Variants in PCCA observed in about 807,000 individuals in gnomAD.
PCCA encodes the protein propionyl-CoA carboxylase alpha chain, mitochondrial.
A neutral mutation model predicts 101.3 loss-of-function variants in PCCA; 74 were observed. The observed-to-expected ratio is 0.73, with a 90% CI of 0.61 to 0.89. The LOEUF (loss-of-function observed/expected upper bound fraction) is 0.89, where lower values mean the gene tolerates loss of function less well. Ranked by LOEUF, PCCA falls within the 40% of genes least tolerant of loss-of-function variation. The pLI is 0.00. For missense variants in PCCA, 891 were observed against 907.0 expected (o/e 0.98, Z 0.23); for synonymous variants, 294 against 313.6 (o/e 0.94, Z 0.66).
Position 100,499,061 on chromosome 13 carries a change from C to T in PCCA, c.1900-16366C>T, listed in dbSNP as rs576355925. ...GTCAATTCACGTTATTGTGGAAAAC[C>T]GTGAGTTGTGACAAGTGAAAGCTTT... On this transcript the variant is annotated intron_variant, in intron 21 of 23. Transcript: ENST00000376285. 5.3e-5 allele frequency among the ~76,000 whole-genome samples: 8 copies of T among 152,272 alleles called. No individual in the cohort carries two copies. In the East Asian group the frequency reaches 9.7e-4, roughly 18 times the overall value.
chr13:100,381,304 G>T (rs1025103625), intron 19 of PCCA, among the ~76,000 whole-genome samples: 1 of 151,832 alleles, frequency 6.6e-6, no homozygotes, highest in African/African-American at 2.4e-5. Context: ...CAGGAGAATG[G>T]CATGAACCCG....
At chr13:100,462,424 C>T (rs932964037) in intron 21 of PCCA, among the ~76,000 whole-genome samples, 5 of 152,146 alleles carry the variant, frequency 3.3e-5, no homozygotes, top group African/African-American at 1.2e-4. Context: ...TTGGTCCCTA[C>T]CCTTAAGTAG....
At chr13:100,470,158 C>T (rs1278290538) in intron 21 of PCCA, among the ~76,000 whole-genome samples, 4 of 152,162 alleles carry the variant, frequency 2.6e-5, no homozygotes, top group African/African-American at 7.2e-5. Flanking sequence ...ACCTGGCTAT[C>T]GGGGTGAACA....
At chr13:100,517,046 C>CGTGT (rs3840814) in intron 22 of PCCA, among the ~76,000 whole-genome samples, 21,225 of 132,434 alleles carry the variant, frequency 0.16, 1,870 homozygotes, top group Middle Eastern at 0.19. Flanking sequence ...ATTATAAAAT[C>CGTGT]GTGTGTGTGT....
chr13:100,164,215 G>T (rs1406463984), intron 6 of PCCA, among the ~76,000 whole-genome samples: 1 of 152,194 alleles, frequency 6.6e-6, no homozygotes, highest in Non-Finnish European at 1.5e-5. Flanking sequence ...ATTGGAATTT[G>T]AGACATACAC....
chr13:100,141,702 C>T (rs7989113), intron 4 of PCCA, among the ~76,000 whole-genome samples: 3,595 of 152,270 alleles, frequency 0.024, 146 homozygotes, highest in African/African-American at 0.082. Context: ...CGTGAACCAC[C>T]ACACCCAGCC....
At chr13:100,170,927 A>G (rs2055575463) in intron 6 of PCCA, among the ~76,000 whole-genome samples, 1 of 152,222 alleles carries the variant, frequency 6.6e-6, no homozygotes, top group Non-Finnish European at 1.5e-5. Context: ...ATTGGTTCCC[A>G]GTATGTTCTG....
In PCCA at chr13:100,404,809, ATG is replaced by A. The variant is rs2077576647; in HGVS notation, c.1747-20823_1747-20822del. Among the ~76,000 whole-genome samples, 4 of 152,278 alleles carry A rather than the reference ATG, an allele frequency of 2.6e-5. No individual in the cohort carries two copies. In the South Asian group the frequency reaches 8.3e-4, roughly 32 times the overall value. On this transcript the variant is annotated intron_variant, in intron 19 of 23. Transcript: ENST00000376285. Reference sequence around the variant, plus strand: ...TGCTGTCAGTAGCTTTGAATTCTGTATGCCATGGATACTAATGTGGCCTTTAT... The same window carrying A: ...TGCTGTCAGTAGCTTTGAATTCTGTACCATGGATACTAATGTGGCCTTTAT...
At chr13:100,289,318 G>A (rs1022761133) in intron 12 of PCCA, among the ~76,000 whole-genome samples, 5 of 152,014 alleles carry the variant, frequency 3.3e-5, no homozygotes, top group African/African-American at 1.2e-4. Flanking sequence ...AATTATGTGT[G>A]TATGTGTATT....
intron 19 of PCCA, among the ~76,000 whole-genome samples, chr13:100,423,057 C>T: frequency 6.9e-6 from 1 of 145,476 alleles, no homozygotes; most frequent in African/African-American, 2.6e-5. Flanking sequence ...TGGTTGTTTT[C>T]TGAGTGTTGT....
At chr13:100,448,215 A>G (rs537120445) in intron 20 of PCCA, among the ~76,000 whole-genome samples, 56 of 152,230 alleles carry the variant, frequency 3.7e-4, no homozygotes, top group Non-Finnish European at 5.7e-4. Flanking sequence ...TTTGAGACGG[A>G]GTCTCACTGT....
At chr13:100,197,871 C>T (rs767379816) in intron 6 of PCCA, among the ~76,000 whole-genome samples, 12 of 152,062 alleles carry the variant, frequency 7.9e-5, no homozygotes, top group Non-Finnish European at 1.6e-4. Flanking sequence ...CTAACATGCC[C>T]CAGATTTCAT....
intron 21 of PCCA, among the ~76,000 whole-genome samples, chr13:100,470,742 C>T (rs540240181): frequency 6.6e-6 from 1 of 152,200 alleles, no homozygotes; most frequent in East Asian, 1.9e-4. Context: ...TAGTCCCAGC[C>T]ACTCTACTCG....
At chr13:100,513,306 G>A (rs575906466) in intron 21 of PCCA, among the ~76,000 whole-genome samples, 156 of 152,290 alleles carry the variant, frequency 1.0e-3, no homozygotes, top group African/African-American at 2.0e-3. Flanking sequence ...AGTTTACCCC[G>A]TTGTTATTTT....
intron 18 of PCCA, 94 bp downstream of exon 18, chr13:100,340,353 C>A: frequency 1.3e-6 from 1 of 756,992 alleles, no homozygotes; most frequent in South Asian, 1.4e-5. Context: ...TGGCTGATCT[C>A]AGTTCTAGAG....
At chr13:100,446,883 G>C (rs1179946110) in intron 20 of PCCA, among the ~76,000 whole-genome samples, 1 of 152,004 alleles carries the variant, frequency 6.6e-6, no homozygotes, top group Non-Finnish European at 1.5e-5. Context: ...TGTTCTTCTT[G>C]CCCTTAGAAA....
chr13:100,520,603 C>A (rs1317167131), intron 22 of PCCA, among the ~76,000 whole-genome samples: 1 of 139,544 alleles, frequency 7.2e-6, no homozygotes, highest in Non-Finnish European at 1.5e-5. Context: ...CCACAGCACT[C>A]CAGCCTGGGC....
chr13:100,209,557 T>G lies in PCCA; in HGVS notation c.600+94T>G, dbSNP rs998668949. On this transcript the variant is annotated intron_variant, in intron 7 of 23. Coordinates refer to ENST00000376285, the MANE Select transcript of PCCA (RefSeq NM_000282.4). ...AAATGTAACTATTGCTTTTTTGGGA[T>G]ATACACACACACACACACATATGCA... is the stretch of plus-strand genomic sequence containing the variant. 21 of 916,270 alleles carry G rather than the reference T, an allele frequency of 2.3e-5. No homozygotes were observed. The African/African-American group carries it at 3.5e-4, about 15-fold the overall frequency. 56.8% of individuals were successfully genotyped at this position (916,270 alleles called of 1,614,324 possible).
At chr13:100,264,014 CGGT>C (rs2062733637) in intron 10 of PCCA, among the ~76,000 whole-genome samples, 2 of 141,408 alleles carry the variant, frequency 1.4e-5, no homozygotes, top group South Asian at 2.3e-4. Flanking sequence ...CGTATATATA[CGGT>C]ATCTGTATAT....
Sources: allele counts gnomAD v4.1 joint callset (sites outside exome capture counted in the v4.1 genomes callset), GRCh38; gene constraint gnomAD v4.1.1; transcripts MANE v1.5; gene names NCBI Gene and HGNC (gene_info 2026-07-23, HGNC 2026-07-21).